GNLY: variants seen among roughly 807,000 people sequenced by gnomAD.
The protein encoded by GNLY is T-cell activation protein 519.
Under a neutral mutation model 18.5 loss-of-function variants are expected in GNLY, and 15 were observed. The observed-to-expected ratio is 0.81, with a 90% CI of 0.54 to 1.25. GNLY has a LOEUF of 1.25. GNLY is among the 50% of genes most tolerant of loss of function. GNLY has a pLI of 0.00. For synonymous variants in GNLY, 77 were observed against 74.9 expected, an observed-to-expected ratio of 1.03 and a Z score of -0.14; for missense variants, 178 against 186.9, an observed-to-expected ratio of 0.95 and a Z score of 0.28.
Position 85,698,693 on chromosome 2 carries a change from C to A in GNLY, c.*119C>A. 7 of 1,598,698 alleles carry A rather than the reference C, an allele frequency of 4.4e-6. No individual in the cohort carries two copies. Among genetic ancestry groups the A allele is most frequent in the Non-Finnish European group, 6.0e-6 (7 of 1,175,358 alleles). On this transcript the variant is annotated 3_prime_UTR_variant, in exon 5 of 5. Transcript: ENST00000263863. ...CCAGAATCCACTCTCCAGTCTCCCTCCCCTGACTCCCTCTGCTGTCCTCCC... is the reference window on the plus strand; with the variant it reads ...CCAGAATCCACTCTCCAGTCTCCCTACCCTGACTCCCTCTGCTGTCCTCCC...
Position 85,698,636 on chromosome 2 carries a change from A to G in GNLY, c.*62A>G. 6.2e-7 allele frequency: 1 copy of G among 1,613,286 alleles called. No individual in the cohort carries two copies. Among genetic ancestry groups the G allele is most frequent in the Non-Finnish European group, 8.5e-7 (1 of 1,179,910 alleles). On this transcript the variant is annotated 3_prime_UTR_variant, in exon 5 of 5. Coordinates refer to ENST00000263863, the MANE Select transcript of GNLY (RefSeq NM_006433.5). ...CCTGTCCTCAGATCCCGGGAACCTC[A>G]GCAACCTCTGCCGGCTCCTCGCTTC...
rs1321125971 is a variant in GNLY at position 85,697,689 on chromosome 2, G to A, written c.427+12G>A. 7.5e-6 allele frequency: 12 copies of A among 1,589,896 alleles called. No individual in the cohort carries two copies. The highest frequency in any genetic ancestry group is 9.5e-6 in the Non-Finnish European group (11 of 1,158,074). ...TATACCTTCTACAGGTGAGTGCAGA[G>A]GTGACAGCAGGGATACCTCCTGAGG... On this transcript the variant is annotated intron_variant, in intron 4 of 4. Coordinates refer to ENST00000263863, the MANE Select transcript of GNLY (RefSeq NM_006433.5).
Position 85,695,313 on chromosome 2 carries a change from TC to T in GNLY, c.53-5del, listed in dbSNP as rs774701576. On this transcript the variant is annotated splice_region_variant and splice_polypyrimidine_tract_variant and intron_variant, in intron 1 of 4. Coordinates refer to ENST00000263863, the MANE Select transcript of GNLY (RefSeq NM_006433.5). ...CGGAGGGGAAGCTGAAGTCTGGTCT[TC>T]CTCAGGTCTGGTCTTCTCTCGTCTG... 4.4e-6 allele frequency: 7 copies of T among 1,590,394 alleles called. No homozygotes were observed. The highest frequency in any genetic ancestry group is 5.2e-6 in the Non-Finnish European group (6 of 1,158,446).
chr2:85,696,275 T>C, intron 3 of GNLY: 1 of 524,800 alleles, frequency 1.9e-6, no homozygotes, highest in Non-Finnish European at 3.4e-6. Flanking sequence ...GACGGCAGAG[T>C]ATACATGGTT....
At chr2:85,695,283 G>A (rs1316820936) in intron 1 of GNLY, 37 bp from the exon 2 acceptor site, 19 of 1,434,030 alleles carry the variant, frequency 1.3e-5, no homozygotes, top group African/African-American at 4.2e-5. Context: ...CTCTCCTTCC[G>A]CCTGCGGAGG....
chr2:85,697,624 G>A lies in GNLY; in HGVS notation c.374G>A (p.Gly125Glu), dbSNP rs373593126. ...AGAGTTACCCAGGGCCTCGTGGCCG[G>A]AGAAACTGCCCAGCAGATCTGTGAG... ...QSRVTQGLVAGETAQQICEDL... is the reference protein window; with the variant it reads ...QSRVTQGLVAEETAQQICEDL... The change falls in exon 4 of 5, where the codon GGA becomes GAA. Residue 125 changes from glycine to glutamate, a missense_variant. Gly to Glu is a moderately conservative substitution (Grantham distance 98). Coordinates refer to ENST00000263863, the MANE Select transcript of GNLY (RefSeq NM_006433.5). 6.4e-5 allele frequency: 104 copies of A among 1,613,694 alleles called. No individual in the cohort carries two copies. The highest frequency in any genetic ancestry group is 8.4e-5 in the Non-Finnish European group (99 of 1,179,692).
rs780341712 is a variant in GNLY at position 85,697,633 on chromosome 2, C to G, written c.383C>G (p.Ala128Gly). 17 of 1,613,238 alleles carry G rather than the reference C, an allele frequency of 1.1e-5. No homozygotes were observed. The highest frequency in any genetic ancestry group is 8.5e-7 in the Non-Finnish European group (1 of 1,179,312). Reference sequence around the variant, plus strand: ...CAGGGCCTCGTGGCCGGAGAAACTGCCCAGCAGATCTGTGAGGACCTCAGG... The same window carrying G: ...CAGGGCCTCGTGGCCGGAGAAACTGGCCAGCAGATCTGTGAGGACCTCAGG... ...VTQGLVAGET[A>G]QQICEDLRLC... Residue 128 changes from alanine to glycine, a missense_variant, in exon 4 of 5, where the codon GCC (alanine) becomes GGC (glycine). Transcript: ENST00000263863.
intron 1 of GNLY, chr2:85,695,091 A>C: frequency 8.1e-7 from 1 of 1,235,570 alleles, no homozygotes; most frequent in Non-Finnish European, 1.2e-6. Flanking sequence ...AGGAGAAGAG[A>C]GAGTCTCGCC....
rs60054012 is a variant in GNLY at position 85,694,512 on chromosome 2, G to A, written c.52+42G>A. 10,432 of 1,585,716 alleles carry A rather than the reference G, an allele frequency of 6.6e-3. 553 individuals carry two copies. In the African/African-American group the frequency reaches 0.12, roughly 18 times the overall value. ...GGGATCGATCCTGATGGCCCACCCAGCCTCGCACTCTCAGGCTGGCTGAAC... is the reference window on the plus strand; with the variant it reads ...GGGATCGATCCTGATGGCCCACCCAACCTCGCACTCTCAGGCTGGCTGAAC... On this transcript the variant is annotated intron_variant, in intron 1 of 4. Coordinates refer to ENST00000263863, the MANE Select transcript of GNLY (RefSeq NM_006433.5).
intron 1 of GNLY, chr2:85,695,053 C>T (rs976518885): frequency 1.0e-5 from 15 of 1,498,684 alleles, no homozygotes; most frequent in Non-Finnish European, 1.3e-5. Flanking sequence ...ACAAACCGAC[C>T]CCCAAATCTG....
At chr2:85,697,205 C>G in intron 3 of GNLY, 1 of 343,824 alleles carries the variant, frequency 2.9e-6, no homozygotes, top group Non-Finnish European at 5.5e-6. Flanking sequence ...TTAATGTGTG[C>G]CTGGCAGCCA....
Position 85,695,983 on chromosome 2 carries a change from A to G in GNLY, c.182A>G (p.Glu61Gly). 1 of 1,610,728 alleles carries G rather than the reference A, an allele frequency of 6.2e-7. No homozygotes were observed. The highest frequency in any genetic ancestry group is 1.1e-5 in the South Asian group (1 of 90,972). Residue 61 changes from glutamate to glycine, a missense_variant, in exon 3 of 5, where the codon GAG becomes GGG. Coordinates refer to ENST00000263863, the MANE Select transcript of GNLY (RefSeq NM_006433.5). The part of the protein sequence containing the change: ...PQGDLLTKTQ[E>G]LGRDYRTCLT... ...GGTGACCTGTTGACCAAAACACAGG[A>G]GCTGGGCCGTGACTACAGGACCTGT...
At position 85,697,623 on chromosome 2, in the gene GNLY, G is replaced by C. The variant is rs201773234; in HGVS notation, c.373G>C (p.Gly125Arg). ...QSRVTQGLVA[G>R]ETAQQICEDL... Reference sequence around the variant, plus strand: ...TAGAGTTACCCAGGGCCTCGTGGCCGGAGAAACTGCCCAGCAGATCTGTGA... The same window carrying C: ...TAGAGTTACCCAGGGCCTCGTGGCCCGAGAAACTGCCCAGCAGATCTGTGA... Residue 125 changes from glycine to arginine, a missense_variant, in exon 4 of 5, where the codon GGA becomes CGA. Coordinates refer to ENST00000263863, the MANE Select transcript of GNLY (RefSeq NM_006433.5). The C allele has an allele frequency of 1.9e-6, 3 of 1,613,470 alleles. No individual in the cohort carries two copies. The highest frequency in any genetic ancestry group is 2.5e-6 in the Non-Finnish European group (3 of 1,179,392).
At chr2:85,694,547 G>C in intron 1 of GNLY, 77 bp downstream of exon 1, 1 of 1,430,990 alleles carries the variant, frequency 7.0e-7, no homozygotes, top group Non-Finnish European at 9.8e-7. Flanking sequence ...CCTGGAGCTT[G>C]GACTCTGTGG....
At chr2:85,695,931 C>A in intron 2 of GNLY, 27 bp from the exon 3 acceptor site, 1 of 1,361,670 alleles carries the variant, frequency 7.3e-7, no homozygotes, top group Non-Finnish European at 1.1e-6. Context: ...TCTGAGAGAC[C>A]ATCATAAGGG....
intron 1 of GNLY, 171 bp downstream of exon 1, chr2:85,694,641 G>A (rs1384373367): frequency 8.3e-6 from 9 of 1,080,428 alleles, no homozygotes; most frequent in African/African-American, 1.6e-5. Context: ...TTAGTCCAGT[G>A]TGCTGCCCAG....
At chr2:85,695,837 C>T in intron 2 of GNLY, 121 bp from the exon 3 acceptor site, 1 of 657,102 alleles carries the variant, frequency 1.5e-6, no homozygotes, top group Admixed American at 2.6e-5. Context: ...TATCCACGCT[C>T]TGGGAAGAGA....
rs201738657 is a variant in GNLY, at chr2:85,694,500, A to C, written c.52+30A>C. ...GGCCTTCCCCTCGGGATCGATCCTG[A>C]TGGCCCACCCAGCCTCGCACTCTCA... On this transcript the variant is annotated intron_variant, in intron 1 of 4. Transcript: ENST00000263863. 9 of 1,605,406 alleles carry C rather than the reference A, an allele frequency of 5.6e-6. No homozygotes were observed. In the East Asian group the frequency reaches 2.0e-4, roughly 36 times the overall value.
intron 3 of GNLY, chr2:85,697,208 G>C: frequency 2.8e-6 from 1 of 351,538 alleles, no homozygotes; most frequent in Non-Finnish European, 5.3e-6. Context: ...ATGTGTGCCT[G>C]GCAGCCATGG....
Sources: allele counts gnomAD v4.1 joint callset, GRCh38; gene constraint gnomAD v4.1.1; transcripts MANE v1.5; gene names NCBI Gene and HGNC (gene_info 2026-07-23, HGNC 2026-07-21).